The following NHSL1 variants were observed in gnomAD, a reference collection of about 807,000 sequenced individuals.
NHSL1 encodes the protein NHS like 1.
Under a neutral mutation model 95.0 loss-of-function variants are expected in NHSL1, and 48 were observed. The observed-to-expected ratio is 0.51, with a 90% CI of 0.40 to 0.64. The LOEUF (loss-of-function observed/expected upper bound fraction) is 0.64. Among genes scored for constraint, NHSL1 ranks in the 30% least tolerant of loss-of-function variants. The probability of loss-of-function intolerance (pLI) is 0.00; values close to 1 mark genes in which losing one functional copy is unlikely to be tolerated. For missense variants in NHSL1, 1,971 were observed against 2,077.7 expected (o/e 0.95, Z 1.00); for synonymous variants, 783 against 833.9 (o/e 0.94, Z 1.05).
intron 1 of NHSL1, among the ~76,000 whole-genome samples, chr6:138,506,394 G>A (rs538512811): frequency 6.6e-6 from 1 of 152,228 alleles, no homozygotes; most frequent in African/African-American, 2.4e-5. Context: ...AAGCTGCAAA[G>A]CAAACTAGTA....
chr6:138,501,841 A>G (rs781664204), upstream of NHSL1, among the ~76,000 whole-genome samples: 1 of 152,244 alleles, frequency 6.6e-6, no homozygotes, highest in African/African-American at 2.4e-5. Flanking sequence ...ACATCTTCCC[A>G]TATACTTTAA....
chr6:138,446,929 A>C, intron 4 of NHSL1, 72 bp downstream of exon 4: 2 of 1,380,566 alleles, frequency 1.4e-6, no homozygotes, highest in South Asian at 2.5e-5. Flanking sequence ...ATGAAATGCT[A>C]ACAGCATAAA....
chr6:138,604,145 A>G (rs1438631722), intron 1 of NHSL1, among the ~76,000 whole-genome samples: 1 of 152,160 alleles, frequency 6.6e-6, no homozygotes, highest in African/African-American at 2.4e-5. Flanking sequence ...AGCTCTAAAT[A>G]TTTTTGTTTC....
At chr6:138,573,192 G>A (rs1783903598), upstream of NHSL1, among the ~76,000 whole-genome samples, 2 of 152,166 alleles carry the variant, frequency 1.3e-5, 1 homozygote, top group South Asian at 4.1e-4. Context: ...CTCTAGCCCT[G>A]AGCCTCCTCT....
At chr6:138,610,999 A>G (rs1784505095) in intron 1 of NHSL1, among the ~76,000 whole-genome samples, 1 of 151,860 alleles carries the variant, frequency 6.6e-6, no homozygotes, top group Non-Finnish European at 1.5e-5. Context: ...AATCACTTGA[A>G]CTCAGAAGGT....
At chr6:138,480,335 C>A (rs1358050616) in intron 2 of NHSL1, among the ~76,000 whole-genome samples, 1 of 152,156 alleles carries the variant, frequency 6.6e-6, no homozygotes, top group Admixed American at 6.5e-5. Flanking sequence ...TTTCCATTCG[C>A]ATTTGGTTTC....
At chr6:138,607,855 CAAA>C (rs1784455487) in intron 1 of NHSL1, among the ~76,000 whole-genome samples, 1 of 152,172 alleles carries the variant, frequency 6.6e-6, no homozygotes, top group Non-Finnish European at 1.5e-5. Flanking sequence ...GAAACAGAAT[CAAA>C]AGTTTCATGA....
intron 1 of NHSL1, among the ~76,000 whole-genome samples, chr6:138,603,216 A>AT (rs1395977395): frequency 2.6e-5 from 4 of 151,786 alleles, no homozygotes; most frequent in Admixed American, 6.6e-5. Context: ...TAAATTTTAC[A>AT]TTTTTTTTAT....
intron 1 of NHSL1, among the ~76,000 whole-genome samples, chr6:138,593,104 G>A (rs1255659379): frequency 2.0e-5 from 3 of 152,204 alleles, no homozygotes; most frequent in African/African-American, 7.2e-5. Context: ...ACACAAACCA[G>A]AGAATCAGTA....
At chr6:138,631,624 T>C (rs564254872) in intron 1 of NHSL1, among the ~76,000 whole-genome samples, 2 of 152,168 alleles carry the variant, frequency 1.3e-5, no homozygotes, top group Admixed American at 6.5e-5. Context: ...AGAAGGAAAC[T>C]TGTTGCCTTG....
chr6:138,491,792 G>T (rs183509667), intron 2 of NHSL1, among the ~76,000 whole-genome samples: 1 of 152,142 alleles, frequency 6.6e-6, no homozygotes, highest in African/African-American at 2.4e-5. Flanking sequence ...TCCGATTTGG[G>T]TTTTTTTCTG....
intron 1 of NHSL1, among the ~76,000 whole-genome samples, chr6:138,685,098 A>G (rs1003438602): frequency 6.6e-6 from 1 of 152,148 alleles, no homozygotes; most frequent in African/African-American, 2.4e-5. Context: ...AAGAAACTCA[A>G]ATGTTTCTCT....
intron 1 of NHSL1, among the ~76,000 whole-genome samples, chr6:138,645,735 T>C (rs145788545): frequency 2.4e-3 from 365 of 152,226 alleles, no homozygotes; most frequent in Non-Finnish European, 4.4e-3. Flanking sequence ...CTTGATTTCC[T>C]GACCTTGTGA....
chr6:138,460,474 C>T (rs1249565410), intron 3 of NHSL1, among the ~76,000 whole-genome samples: 2 of 151,704 alleles, frequency 1.3e-5, no homozygotes, highest in African/African-American at 4.8e-5. Context: ...TATATACAGA[C>T]ATTTTTTGTG....
rs1775155163 is a variant in NHSL1, at chr6:138,424,852, C to T, written c.4086-36G>A. On this transcript the variant is annotated intron_variant, in intron 7 of 7. Transcript: ENST00000343505. The surrounding 1 kb of genome is among the most constrained non-coding windows in gnomAD (Gnocchi z 5.9). ...ATAACATTAAGAAAAAGGTTAATTCCCACGGGACCACAGGCTGTCAGCCAC... is the reference window on the plus strand; with the variant it reads ...ATAACATTAAGAAAAAGGTTAATTCTCACGGGACCACAGGCTGTCAGCCAC... 1.3e-6 allele frequency: 2 copies of T among 1,512,638 alleles called. No individual in the cohort carries two copies. The highest frequency in any genetic ancestry group is 1.8e-6 in the Non-Finnish European group (2 of 1,121,458). The allele number at this position is 1,512,638 out of a possible 1,614,324, so 93.7% of individuals were successfully genotyped here.
At chr6:138,611,205 A>G (rs1784508034) in intron 1 of NHSL1, among the ~76,000 whole-genome samples, 1 of 152,224 alleles carries the variant, frequency 6.6e-6, no homozygotes, top group Non-Finnish European at 1.5e-5. Context: ...AATGCTTAGT[A>G]GGAAACCGTC....
intron 2 of NHSL1, among the ~76,000 whole-genome samples, chr6:138,474,689 A>G (rs1367835762): frequency 1.3e-5 from 2 of 152,224 alleles, no homozygotes; most frequent in Non-Finnish European, 2.9e-5. Context: ...GCTGGCAACT[A>G]CTTGTAATAT....
At chr6:138,664,470 G>C (rs1386779150) in intron 1 of NHSL1, among the ~76,000 whole-genome samples, 1 of 152,166 alleles carries the variant, frequency 6.6e-6, no homozygotes, top group Admixed American at 6.5e-5. Context: ...GCACTACTGG[G>C]CAAAAGGAAA....
intron 2 of NHSL1, among the ~76,000 whole-genome samples, chr6:138,482,138 TCTTA>T (rs1363194480): frequency 1.3e-5 from 2 of 152,036 alleles, no homozygotes; most frequent in African/African-American, 4.8e-5. Context: ...AGGGACTAAG[TCTTA>T]CTTTGCCTTA....
Sources: allele counts gnomAD v4.1 joint callset (sites outside exome capture counted in the v4.1 genomes callset), GRCh38; gene constraint gnomAD v4.1.1; non-coding constraint Gnocchi (gnomAD v3.1); transcripts MANE v1.5; gene names NCBI Gene and HGNC (gene_info 2026-07-23, HGNC 2026-07-21).